Variants in RASSF9 observed in about 807,000 individuals in gnomAD.
RASSF9 encodes the protein Ras association domain family member 9, also known as ras association domain-containing protein 9.
RASSF9 carries 18 observed loss-of-function variants against 21.4 expected under a neutral mutation model. The observed-to-expected ratio is 0.84, with a 90% CI of 0.58 to 1.25. RASSF9 has a LOEUF of 1.25. Ranked by LOEUF, RASSF9 falls within the 50% of genes most tolerant of loss-of-function variation. The pLI is 0.00. For synonymous variants in RASSF9, 183 were observed against 179.1 expected (o/e 1.02, Z -0.18); for missense variants, 480 against 503.2 (o/e 0.95, Z 0.44).
At chr12:85,815,814 G>GAGGC (rs1300231371) in intron 1 of RASSF9, among the ~76,000 whole-genome samples, 1 of 151,720 alleles carries the variant, frequency 6.6e-6, no homozygotes, top group Non-Finnish European at 1.5e-5. Context: ...TTGTAAATTT[G>GAGGC]TTTAAGTTCC....
At position 85,801,659 on chromosome 12, in the gene RASSF9, A is replaced by C. The variant is rs1186763406; in HGVS notation, c.*3043T>G. On this transcript the variant is annotated 3_prime_UTR_variant, in exon 2 of 2. Transcript: ENST00000361228. ...AACCCCGTCTCTACTAAAAAAATACAAAAAAATTAGCCTGGCGTGGTGGCG... is the reference window on the plus strand; with the variant it reads ...AACCCCGTCTCTACTAAAAAAATACCAAAAAATTAGCCTGGCGTGGTGGCG... 1 of 152,284 alleles carries C rather than the reference A, an allele frequency of 6.6e-6. No individual in the cohort carries two copies. The highest frequency in any genetic ancestry group is 2.4e-5 in the African/African-American group (1 of 41,430). The allele number at this position is 152,284 out of a possible 1,614,324, so 9.4% of individuals were successfully genotyped here. A position where few individuals can be genotyped will look rare whatever the true frequency, so the allele number is the denominator to read the frequency against.
At chr12:85,815,975 C>T (rs1385038859) in intron 1 of RASSF9, among the ~76,000 whole-genome samples, 2 of 152,024 alleles carry the variant, frequency 1.3e-5, no homozygotes, top group Non-Finnish European at 2.9e-5. Context: ...GAATACTATG[C>T]AGCTATAAAA....
chr12:85,818,956 CAAAAAAAAAAAAA>C (rs60760019), intron 1 of RASSF9, among the ~76,000 whole-genome samples: 17 of 66,608 alleles, frequency 2.6e-4, no homozygotes, highest in Middle Eastern at 7.1e-3. Context: ...GAGACTCCGT[CAAAAAAAAAAAAA>C]AAAAAAAAAA....
chr12:85,805,807 C>A lies in RASSF9; in HGVS notation c.203G>T (p.Arg68Leu). 6.2e-7 allele frequency: 1 copy of A among 1,613,882 alleles called. No individual in the cohort carries two copies. The highest frequency in any genetic ancestry group is 8.5e-7 in the Non-Finnish European group (1 of 1,179,880). Residue 68 changes from arginine (R) to leucine (L), a missense_variant, in exon 2 of 2, where the codon CGA (arginine) becomes CTA (leucine). Physicochemically the swap from Arg to Leu is moderately radical, Grantham distance 102. Transcript: ENST00000361228. ...ATCACTGGGCTTCCCCAGAAGAAAT[C>A]GTTTCTCTCCAAACGTAGCCTCATG... ...EEHEATFGEK[R>L]FLLGKPSDYC... is the part of the protein sequence containing the mutation.
chr12:85,820,477 T>C (rs1309588945), intron 1 of RASSF9, among the ~76,000 whole-genome samples: 1 of 152,218 alleles, frequency 6.6e-6, no homozygotes, highest in Non-Finnish European at 1.5e-5. Flanking sequence ...GTATGTACAA[T>C]TTTCTAAATG....
In RASSF9 at chr12:85,802,946, T is replaced by C. The variant is rs190823055; in HGVS notation, c.*1756A>G. The C allele has an allele frequency of 7.9e-5, 12 of 152,252 alleles. No homozygotes were observed. Among genetic ancestry groups the C allele is most frequent in the African/African-American group, 2.6e-4 (11 of 41,558 alleles). The allele number at this position is 152,252 out of a possible 1,614,324, so 9.4% of individuals were successfully genotyped here. ...TTTATCACTGTATTTTTCCATAGAA[T>C]GGAAATTTCTATTTTTCTTACCAGC... On this transcript the variant is annotated 3_prime_UTR_variant, in exon 2 of 2. Coordinates refer to ENST00000361228, the MANE Select transcript of RASSF9 (RefSeq NM_005447.4).
chr12:85,805,596 TTC>T lies in RASSF9; in HGVS notation c.412_413del (p.Glu138LysfsTer18). ...TAEAKLVQNT[E>X]KLWELSPANY... ...TTGCTGGGCTGAGCTCCCACAATTTTTCTGTGTTTTGCACTAATTTGGCTTCA... is the reference window on the plus strand; with the variant it reads ...TTGCTGGGCTGAGCTCCCACAATTTTTGTGTTTTGCACTAATTTGGCTTCA... On this transcript the variant is annotated frameshift_variant, in exon 2 of 2. Coordinates refer to ENST00000361228, the MANE Select transcript of RASSF9 (RefSeq NM_005447.4). LOFTEE classifies it high-confidence loss of function. 3.1e-6 allele frequency: 5 copies of T among 1,613,968 alleles called. No homozygotes were observed. The South Asian group carries it at 5.5e-5, about 18-fold the overall frequency.
At chr12:85,809,924 GCAC>G (rs1321102178) in intron 1 of RASSF9, among the ~76,000 whole-genome samples, 2 of 151,620 alleles carry the variant, frequency 1.3e-5, no homozygotes, top group Non-Finnish European at 3.0e-5. Context: ...AATCTGACTG[GCAC>G]CAAAACTATC....
chr12:85,825,961 A>G (rs1391216907), intron 1 of RASSF9, among the ~76,000 whole-genome samples: 1 of 152,148 alleles, frequency 6.6e-6, no homozygotes, highest in Non-Finnish European at 1.5e-5. Flanking sequence ...CCTGACTGGG[A>G]AACCAGTTTG....
rs1188692742 is a variant in RASSF9, at chr12:85,801,124, G to A, written c.*3578C>T. ...CATTTAAAACCCAACTCTAAAATATGTTTTTTCTCATAAGCACACAATGAA... is the reference window on the plus strand; with the variant it reads ...CATTTAAAACCCAACTCTAAAATATATTTTTTCTCATAAGCACACAATGAA... On this transcript the variant is annotated 3_prime_UTR_variant, in exon 2 of 2. Coordinates refer to ENST00000361228, the MANE Select transcript of RASSF9 (RefSeq NM_005447.4). 3.3e-5 allele frequency: 5 copies of A among 151,886 alleles called. No individual in the cohort carries two copies. Among genetic ancestry groups the A allele is most frequent in the Non-Finnish European group, 7.4e-5 (5 of 67,948 alleles). The allele number at this position is 151,886 out of a possible 1,614,324, so 9.4% of individuals were successfully genotyped here.
At chr12:85,828,501 C>CA (rs1167061908) in intron 1 of RASSF9, among the ~76,000 whole-genome samples, 1 of 151,984 alleles carries the variant, frequency 6.6e-6, no homozygotes, top group Non-Finnish European at 1.5e-5. Context: ...TATGTACCCA[C>CA]AAAAATGAAA....
At chr12:85,814,647 A>G (rs576277511) in intron 1 of RASSF9, among the ~76,000 whole-genome samples, 31 of 147,824 alleles carry the variant, frequency 2.1e-4, no homozygotes, top group African/African-American at 6.4e-4. Context: ...ATTTAACAAA[A>G]TATGAATAGA....
In RASSF9 at chr12:85,805,236, C is replaced by T. The variant is rs1424043554; in HGVS notation, c.774G>A (p.Glu258=). 1 of 1,613,714 alleles carries T rather than the reference C, an allele frequency of 6.2e-7. No individual in the cohort carries two copies. Among genetic ancestry groups the T allele is most frequent in the Non-Finnish European group, 8.5e-7 (1 of 1,179,888 alleles). Residue 258 remains glutamate (E), a synonymous_variant, in exon 2 of 2, where the codon GAG becomes GAA. Transcript: ENST00000361228. Reference sequence around the variant, plus strand: ...CAATTCCATCACTTTCGCTCAGGTCCTCCAGAGTCTGGTTTTCCTCATACT... The same window carrying T: ...CAATTCCATCACTTTCGCTCAGGTCTTCCAGAGTCTGGTTTTCCTCATACT... ...DLQYEENQTL[E]DLSESDGIEQ...
At chr12:85,818,908 GAT>G (rs1344456784) in intron 1 of RASSF9, among the ~76,000 whole-genome samples, 2 of 132,744 alleles carry the variant, frequency 1.5e-5, no homozygotes, top group Non-Finnish European at 3.1e-5. Flanking sequence ...GCAGTGAGCT[GAT>G]ATCGCGCCAC....
chr12:85,823,353 C>T (rs1285530563), intron 1 of RASSF9, among the ~76,000 whole-genome samples: 1 of 152,062 alleles, frequency 6.6e-6, no homozygotes, highest in Non-Finnish European at 1.5e-5. Context: ...GCATTGTGAC[C>T]TCCTCCTCCC....
intron 1 of RASSF9, among the ~76,000 whole-genome samples, chr12:85,835,395 T>C (rs1442918197): frequency 2.6e-5 from 4 of 152,190 alleles, no homozygotes; most frequent in African/African-American, 9.6e-5. Context: ...AGACATACTG[T>C]CCCTAGAAAA....
chr12:85,824,069 C>G (rs974630246), intron 1 of RASSF9, among the ~76,000 whole-genome samples: 3 of 152,156 alleles, frequency 2.0e-5, no homozygotes, highest in African/African-American at 7.2e-5. Flanking sequence ...TCAAATCTAA[C>G]TATTACGACC....
chr12:85,831,171 T>G (rs901766501), intron 1 of RASSF9, among the ~76,000 whole-genome samples: 1 of 152,036 alleles, frequency 6.6e-6, no homozygotes, highest in African/African-American at 2.4e-5. Context: ...TTTTCAGAAC[T>G]ACTATCAAAA....
At chr12:85,822,293 A>T (rs1328371636) in intron 1 of RASSF9, among the ~76,000 whole-genome samples, 1 of 152,122 alleles carries the variant, frequency 6.6e-6, no homozygotes, top group Non-Finnish European at 1.5e-5. Flanking sequence ...AAGCTGGTAA[A>T]CTTGAAGGAC....
Sources: allele counts gnomAD v4.1 joint callset (sites outside exome capture counted in the v4.1 genomes callset), GRCh38; gene constraint gnomAD v4.1.1; transcripts MANE v1.5; gene names NCBI Gene and HGNC (gene_info 2026-07-23, HGNC 2026-07-21).